The following PCDH15 variants were observed in gnomAD, a reference collection of about 807,000 sequenced individuals.
PCDH15 encodes protocadherin related 15.
In PCDH15, 129 loss-of-function variants were observed where a neutral mutation model predicts 178.5. That is an observed-to-expected ratio of 0.72 (90% CI 0.63 to 0.84). The LOEUF (loss-of-function observed/expected upper bound fraction) is 0.84. Among genes scored for constraint, PCDH15 ranks in the 40% least tolerant of loss-of-function variants. The pLI is 0.00. For missense variants in PCDH15, 2,230 were observed against 2,099.9 expected (o/e 1.06, Z -1.21); for synonymous variants, 800 against 732.0 (o/e 1.09, Z -1.50).
In PCDH15 at chr10:54,655,428, GGTGTGTGTGT is replaced by G. The variant is rs371162241; in HGVS notation, c.91+8734_91+8743del. ...TGGGTAAGGGGTGTGTGTGTGGTGG[GGTGTGTGTGT>G]GTGTGTGTGTGTGTGTGTGTGTGTG... On this transcript the variant is annotated intron_variant, in intron 2 of 37. Transcript: ENST00000644397. The G allele has an allele frequency of 6.8e-3, 961 of 141,970 alleles. 11 individuals are homozygous for G. The highest frequency in any genetic ancestry group is 0.019 in the African/African-American group (735 of 37,994). The allele number at this position is 141,970 out of a possible 1,614,324, so 8.8% of individuals were successfully genotyped here. A position where few individuals can be genotyped will look rare whatever the true frequency, so the allele number is the denominator to read the frequency against.
chr10:55,607,441 A>ATGCACACGTATG (rs1412359478), intron 2 of PCDH15, among the ~76,000 whole-genome samples: 3 of 124,524 alleles, frequency 2.4e-5, no homozygotes, highest in African/African-American at 9.8e-5. Context: ...ATAAAGACAC[A>ATGCACACGTATG]TGCACACGTA....
intron 2 of PCDH15, among the ~76,000 whole-genome samples, chr10:55,540,894 G>A (rs150616770): frequency 3.9e-4 from 60 of 151,974 alleles, no homozygotes; most frequent in East Asian, 3.9e-3. Flanking sequence ...TACATATAAC[G>A]TCTGTAGAAT....
chr10:54,926,103 T>C (rs1415025638), intron 2 of PCDH15, among the ~76,000 whole-genome samples: 4 of 152,152 alleles, frequency 2.6e-5, no homozygotes, highest in African/African-American at 9.7e-5. Flanking sequence ...ATGGCTCTTA[T>C]TATTTTGAGG....
chr10:55,413,299 G>A (rs574284296), intron 2 of PCDH15, among the ~76,000 whole-genome samples: 3 of 151,258 alleles, frequency 2.0e-5, no homozygotes, highest in Admixed American at 6.6e-5. Context: ...TAAAAAAAAA[G>A]GGATAAAGAT....
At chr10:54,169,822 T>A (rs552277756) in intron 13 of PCDH15, among the ~76,000 whole-genome samples, 5 of 151,984 alleles carry the variant, frequency 3.3e-5, no homozygotes, top group South Asian at 2.1e-4. Context: ...TTAAAGCCTA[T>A]AAACTCTCCT....
At chr10:54,541,026 T>A (rs2132964472) in intron 2 of PCDH15, among the ~76,000 whole-genome samples, 1 of 152,230 alleles carries the variant, frequency 6.6e-6, no homozygotes, top group South Asian at 2.1e-4. Context: ...ATAGGAGCCA[T>A]ATATGACACA....
chr10:55,027,434 G>A (rs534552273), intron 2 of PCDH15, among the ~76,000 whole-genome samples: 1 of 151,660 alleles, frequency 6.6e-6, no homozygotes, highest in Non-Finnish European at 1.5e-5. Context: ...TGAATGAGGG[G>A]GTGGGGAGTT....
In PCDH15 at chr10:54,904,955, C is replaced by G. The variant is rs1307483071; in HGVS notation, c.-79-7455G>C. On this transcript the variant is annotated intron_variant, in intron 2 of 5. Coordinates refer to the PCDH15 transcript ENST00000458638. Reference sequence around the variant, plus strand: ...TATATTTTTAAATTAGCTTTTGTTCCTTGAGCATCTGCTATGTATCAGGCA... The same window carrying G: ...TATATTTTTAAATTAGCTTTTGTTCGTTGAGCATCTGCTATGTATCAGGCA... Among the ~76,000 whole-genome samples the G allele has an allele frequency of 2.6e-5, 4 of 151,456 alleles. 1 individual carries two copies.
chr10:54,445,493 A>C (rs1277187274), intron 3 of PCDH15, among the ~76,000 whole-genome samples: 1 of 151,594 alleles, frequency 6.6e-6, no homozygotes, highest in Admixed American at 6.6e-5. Context: ...AGCGTACTTT[A>C]GGCTAGGTTA....
chr10:54,636,687 C>T (rs762304807), intron 2 of PCDH15, among the ~76,000 whole-genome samples: 5 of 151,872 alleles, frequency 3.3e-5, no homozygotes, highest in South Asian at 4.2e-4. Flanking sequence ...CAGGAGGTCA[C>T]GTCACCAGCA....
At chr10:54,140,576 C>T (rs1265124992) in intron 14 of PCDH15, among the ~76,000 whole-genome samples, 2 of 152,096 alleles carry the variant, frequency 1.3e-5, no homozygotes, top group East Asian at 3.9e-4. Flanking sequence ...TCAAGTGATT[C>T]CCCTTCCTCA....
At chr10:53,932,748 A>G (rs2085184216) in intron 25 of PCDH15, among the ~76,000 whole-genome samples, 1 of 152,110 alleles carries the variant, frequency 6.6e-6, no homozygotes, top group Admixed American at 6.5e-5. Flanking sequence ...CTGGAACATG[A>G]TGGTTTTGGT....
intron 2 of PCDH15, among the ~76,000 whole-genome samples, chr10:55,483,237 A>C (rs187563861): frequency 6.6e-6 from 1 of 151,780 alleles, no homozygotes; most frequent in East Asian, 2.0e-4. Flanking sequence ...TATGCATCAA[A>C]GGTCTAATGT....
rs58908008 is a variant in PCDH15, at chr10:54,344,904, C to CCAAAAAA, written c.594+1460_594+1461insTTTTTTG. 2.5e-3 allele frequency among the ~76,000 whole-genome samples: 197 copies of CCAAAAAA among 78,766 alleles called. 1 individual carries two copies. The highest frequency in any genetic ancestry group is 0.017 in the Middle Eastern group (2 of 120). 51.7% of individuals were successfully genotyped at this position (78,766 alleles called of 152,430 possible). A position where few individuals can be genotyped will look rare whatever the true frequency, so the allele number is the denominator to read the frequency against. The stretch of plus-strand genomic sequence containing the variant: ...AAAGTCCTCTTTTAGAGAAACAAAG[C>CCAAAAAA]AAAAAAAAAAAAAAAAAAAAAACAA... On this transcript the variant is annotated intron_variant, in intron 6 of 37. Transcript: ENST00000644397.
At chr10:54,648,704 G>T (rs2094188866) in intron 2 of PCDH15, among the ~76,000 whole-genome samples, 1 of 152,094 alleles carries the variant, frequency 6.6e-6, no homozygotes, top group Non-Finnish European at 1.5e-5. Context: ...GTTGTTATTA[G>T]AAACCTGATG....
chr10:55,250,405 C>A (rs2132222737), intron 1 of PCDH15, among the ~76,000 whole-genome samples: 1 of 151,612 alleles, frequency 6.6e-6, no homozygotes, highest in Admixed American at 6.6e-5. Flanking sequence ...TCTCAACCTC[C>A]CAAAGTGCTA....
chr10:54,340,020 C>A (rs925258450), intron 6 of PCDH15, among the ~76,000 whole-genome samples: 1 of 152,126 alleles, frequency 6.6e-6, no homozygotes, highest in Non-Finnish European at 1.5e-5. Flanking sequence ...GATTTCTATA[C>A]CTATTGCAGT....
At chr10:54,145,718 G>A (rs2043838611) in intron 14 of PCDH15, among the ~76,000 whole-genome samples, 1 of 152,046 alleles carries the variant, frequency 6.6e-6, no homozygotes, top group African/African-American at 2.4e-5. Flanking sequence ...TGGAACTAAA[G>A]AGAAGGGTGT....
intron 23 of PCDH15, among the ~76,000 whole-genome samples, chr10:53,958,158 G>A (rs2610919): frequency 0.76 from 115,393 of 151,968 alleles, 44,214 homozygotes; most frequent in East Asian, 1. Context: ...AAACACTAAA[G>A]TCATCCTAGA....
Sources: gnomAD v4.1 joint callset for allele counts (sites outside exome capture counted in the v4.1 genomes callset) on GRCh38, gnomAD v4.1.1 for gene constraint, MANE v1.5 for transcripts, NCBI Gene and HGNC (gene_info 2026-07-23, HGNC 2026-07-21) for gene names.